ACAN: variants seen among roughly 807,000 people sequenced by gnomAD.
ACAN encodes the protein aggrecan, also known as aggrecan core protein.
ACAN carries 47 observed loss-of-function variants against 169.1 expected under a neutral mutation model. The observed-to-expected ratio is 0.28, with a 90% CI of 0.22 to 0.35. The LOEUF is 0.35. Ranked by LOEUF, ACAN falls within the 10% of genes least tolerant of loss-of-function variation. The pLI, the probability that ACAN is intolerant of heterozygous loss-of-function variation, is 1.00. For synonymous variants in ACAN, 1,115 were observed against 1,112.2 expected (o/e 1.00, Z -0.05); for missense variants, 2,716 against 2,759.9 (o/e 0.98, Z 0.36).
At position 88,847,247 on chromosome 15, in the gene ACAN, C is replaced by G; in HGVS notation, c.1434C>G (p.Val478=). The change falls in exon 8 of 19, where the codon GTC becomes GTG. Residue 478 remains valine, a synonymous_variant. Transcript: ENST00000560601. ...CGCTCCCTCCTCCCCACCCAGGGGT[C>G]GTCTTCCACTACCGCCCGGGACCCA... ...VPGQPHLPGG[V]VFHYRPGPTR... 6.5e-7 allele frequency: 1 copy of G among 1,547,590 alleles called. No homozygotes were observed. Among genetic ancestry groups the G allele is most frequent in the Non-Finnish European group, 8.7e-7 (1 of 1,144,730 alleles).
At chr15:88,845,162 G>T (rs926765044) in intron 6 of ACAN, among the ~76,000 whole-genome samples, 2 of 152,240 alleles carry the variant, frequency 1.3e-5, no homozygotes, top group African/African-American at 2.4e-5. Context: ...AGCATCAGAT[G>T]GTTGGTAAGG....
rs983149560 is a variant in ACAN, at chr15:88,872,194, C to T, written c.7302+109C>T. ...CATGCAGACAGCCGCTTACCAGCTG[C>T]TGGACCGGGAACCCTTGAGGGCAGG... On this transcript the variant is annotated intron_variant, in intron 16 of 18. Transcript: ENST00000560601. This position sits in a 1 kb window ranked among gnomAD's most constrained non-coding sequence, Gnocchi z 5.4. 7 of 952,420 alleles carry T rather than the reference C, an allele frequency of 7.3e-6. No homozygotes were observed. Among genetic ancestry groups the T allele is most frequent in the Non-Finnish European group, 8.3e-6 (5 of 605,596 alleles). The allele number at this position is 952,420 out of a possible 1,614,324, so 59.0% of individuals were successfully genotyped here.
intron 7 of ACAN, 103 bp from the exon 8 acceptor site, chr15:88,847,140 A>G: frequency 8.0e-7 from 1 of 1,254,534 alleles, no homozygotes; most frequent in Non-Finnish European, 1.1e-6. Context: ...AGATAAATCC[A>G]ATATGTCAGG....
At position 88,807,150 on chromosome 15, in the gene ACAN, G is replaced by A. The variant is rs1895702835; in HGVS notation, c.-8+3341G>A. Among the ~76,000 whole-genome samples the A allele has an allele frequency of 6.6e-6, 1 of 152,122 alleles. No homozygotes were observed. On this transcript the variant is annotated intron_variant, in intron 1 of 18. Coordinates refer to ENST00000560601, the MANE Select transcript of ACAN (RefSeq NM_001369268.1). This position sits in a 1 kb window ranked among gnomAD's most constrained non-coding sequence, Gnocchi z 4.0. ...CCTTGCTGCCACTGCACCAAGTGCT[G>A]GGGAGTCAAGGCAGCTGAGGTGGAA...
At chr15:88,860,072 C>CTGTTTTT (rs1897161478) in intron 12 of ACAN, among the ~76,000 whole-genome samples, 1 of 102,900 alleles carries the variant, frequency 9.7e-6, no homozygotes, top group African/African-American at 4.7e-5. Flanking sequence ...GCTGATTTTC[C>CTGTTTTT]TTTTTTTTTT....
In ACAN at chr15:88,873,103, C is replaced by A; in HGVS notation, c.7447+78C>A. ...TACAGGTGAGGCTCTTGCTGTGTGG[C>A]CTGGGGTGAGTCCCTTGTCTTCTGG... On this transcript the variant is annotated intron_variant, in intron 17 of 18. Transcript: ENST00000560601. This position sits in a 1 kb window ranked among gnomAD's most constrained non-coding sequence, Gnocchi z 7.5. 6.6e-7 allele frequency: 1 copy of A among 1,520,106 alleles called. No individual in the cohort carries two copies. Among genetic ancestry groups the A allele is most frequent in the Non-Finnish European group, 8.9e-7 (1 of 1,125,926 alleles). The allele number at this position is 1,520,106 out of a possible 1,614,324, so 94.2% of individuals were successfully genotyped here. A position where few individuals can be genotyped will look rare whatever the true frequency, so the allele number is the denominator to read the frequency against.
rs1596148434 is a variant in ACAN at position 88,859,149 on chromosome 15, T to C, written c.6564T>C (p.Thr2188=). 6.2e-7 allele frequency: 1 copy of C among 1,613,786 alleles called. No individual in the cohort carries two copies. Among genetic ancestry groups the C allele is most frequent in the Non-Finnish European group, 8.5e-7 (1 of 1,179,884 alleles). ...AGGCACCAGGCTTGCCTTCAGCCAC[T>C]CCCACGGCTTCTGGAGACAGGACTG... is the stretch of plus-strand genomic sequence containing the variant. ...GTEAPGLPSA[T]PTASGDRTEI... Residue 2188 remains threonine (T), a synonymous_variant, in exon 12 of 19, where the codon ACT becomes ACC. Coordinates refer to ENST00000560601, the MANE Select transcript of ACAN (RefSeq NM_001369268.1).
At position 88,814,399 on chromosome 15, in the gene ACAN, C is replaced by T. The variant is rs1895890295; in HGVS notation, c.-8+10590C>T. Among the ~76,000 whole-genome samples, 1 of 152,206 alleles carries T rather than the reference C, an allele frequency of 6.6e-6. No individual in the cohort carries two copies. Among genetic ancestry groups the T allele is most frequent in the Non-Finnish European group, 1.5e-5 (1 of 68,034 alleles). Reference sequence around the variant, plus strand: ...TCTTGCCCAAACTGAAGTTTCTCAGCTGCTTTTCTGCCTACTTATGCTCTT... The same window carrying T: ...TCTTGCCCAAACTGAAGTTTCTCAGTTGCTTTTCTGCCTACTTATGCTCTT... On this transcript the variant is annotated intron_variant, in intron 1 of 18. Coordinates refer to ENST00000560601, the MANE Select transcript of ACAN (RefSeq NM_001369268.1). The surrounding 1 kb of genome is among the most constrained non-coding windows in gnomAD (Gnocchi z 4.0).
At chr15:88,823,682 G>A (rs1476838910) in intron 1 of ACAN, among the ~76,000 whole-genome samples, 1 of 152,050 alleles carries the variant, frequency 6.6e-6, no homozygotes, top group Non-Finnish European at 1.5e-5. Context: ...AAGCACCACT[G>A]GCCTTCCTTT....
chr15:88,818,855 T>C (rs566334955), intron 1 of ACAN, among the ~76,000 whole-genome samples: 9 of 152,352 alleles, frequency 5.9e-5, no homozygotes, highest in Non-Finnish European at 1.2e-4. Context: ...TGCATAACAA[T>C]GTGAATACGC....
In ACAN at chr15:88,873,195, G is replaced by A. The variant is rs559889015; in HGVS notation, c.7447+170G>A. ...TGACCTAGGGGTCCCTCCTAGCACC[G>A]GCATCCCAGGGCCAATGGCAAGGGC... is the stretch of plus-strand genomic sequence containing the variant. On this transcript the variant is annotated intron_variant, in intron 17 of 18. Coordinates refer to ENST00000560601, the MANE Select transcript of ACAN (RefSeq NM_001369268.1). This position sits in a 1 kb window ranked among gnomAD's most constrained non-coding sequence, Gnocchi z 7.5. 3.3e-3 allele frequency among the ~76,000 whole-genome samples: 507 copies of A among 152,210 alleles called. No homozygotes were observed. Among genetic ancestry groups the A allele is most frequent in the South Asian group, 0.02 (94 of 4,816 alleles).
rs73458267 is a variant in ACAN, at chr15:88,875,000, A to C, written c.*519A>C. 0.021 allele frequency: 5,136 copies of C among 240,620 alleles called. 270 individuals carry two copies. Among genetic ancestry groups the C allele is most frequent in the African/African-American group, 0.11 (4,816 of 44,160 alleles). The allele number at this position is 240,620 out of a possible 1,614,324, so 14.9% of individuals were successfully genotyped here. A position where few individuals can be genotyped will look rare whatever the true frequency, so the allele number is the denominator to read the frequency against. On this transcript the variant is annotated 3_prime_UTR_variant, in exon 19 of 19. Transcript: ENST00000560601. This position sits in a 1 kb window ranked among gnomAD's most constrained non-coding sequence, Gnocchi z 7.3. ...GATGAGAAGGAGCCAGGAGGGCTAC[A>C]CCATCTGTATGAGGGAAAAGCCTTG...
At chr15:88,826,384 T>C (rs1896221714) in intron 1 of ACAN, among the ~76,000 whole-genome samples, 1 of 149,526 alleles carries the variant, frequency 6.7e-6, no homozygotes, top group African/African-American at 2.5e-5. Flanking sequence ...CTTTTTTTTT[T>C]TTTTTTTTTG....
At chr15:88,836,478 C>A (rs1449402704) in intron 2 of ACAN, among the ~76,000 whole-genome samples, 12 of 152,202 alleles carry the variant, frequency 7.9e-5, no homozygotes. Flanking sequence ...CTTGCAGGAG[C>A]CTTGCTCAGA....
At chr15:88,837,502 C>T (rs1020141643) in intron 2 of ACAN, among the ~76,000 whole-genome samples, 1 of 152,192 alleles carries the variant, frequency 6.6e-6, no homozygotes, top group Non-Finnish European at 1.5e-5. Flanking sequence ...GGGAGACCCA[C>T]AGCCATGCAG....
At chr15:88,828,929 C>T (rs1896292711) in intron 1 of ACAN, among the ~76,000 whole-genome samples, 1 of 152,220 alleles carries the variant, frequency 6.6e-6, no homozygotes, top group African/African-American at 2.4e-5. Context: ...CTAGAAGCAA[C>T]TCCAAGGAAA....
rs17789870 is a variant in ACAN at position 88,839,252 on chromosome 15, C to T, written c.454+206C>T. 0.045 allele frequency among the ~76,000 whole-genome samples: 6,882 copies of T among 152,352 alleles called. 235 individuals are homozygous for T. Among genetic ancestry groups the T allele is most frequent in the Non-Finnish European group, 0.073 (4,955 of 68,034 alleles). ...TTAGGGAGCATTAAATACTTCCTGGCTGTGGTCACAGGTAACTGACAGTTT... is the reference window on the plus strand; with the variant it reads ...TTAGGGAGCATTAAATACTTCCTGGTTGTGGTCACAGGTAACTGACAGTTT... On this transcript the variant is annotated intron_variant, in intron 3 of 18. Coordinates refer to ENST00000560601, the MANE Select transcript of ACAN (RefSeq NM_001369268.1). The surrounding 1 kb of genome is among the most constrained non-coding windows in gnomAD (Gnocchi z 4.5).
At chr15:88,831,351 C>T (rs1338010549) in intron 1 of ACAN, among the ~76,000 whole-genome samples, 1 of 152,226 alleles carries the variant, frequency 6.6e-6, no homozygotes, top group Non-Finnish European at 1.5e-5. Flanking sequence ...AAGGAAGCAG[C>T]GTGTCTCTAC....
Position 88,855,026 on chromosome 15 carries a change from C to A in ACAN, c.2441C>A (p.Ser814Ter). 1 of 1,594,146 alleles carries A rather than the reference C, an allele frequency of 6.3e-7. No individual in the cohort carries two copies. The highest frequency in any genetic ancestry group is 1.3e-5 in the African/African-American group (1 of 74,288). ...EPFPSVRPFP[S>*]VELFPSEEPF... Reference sequence around the variant, plus strand: ...TTCCCCTCAGTGAGGCCATTCCCCTCAGTGGAGCTGTTCCCCTCAGAGGAG... The same window carrying A: ...TTCCCCTCAGTGAGGCCATTCCCCTAAGTGGAGCTGTTCCCCTCAGAGGAG... Residue 814 changes from serine to a stop codon, truncating the protein, a stop_gained, in exon 12 of 19, where the codon TCA becomes TAA. Transcript: ENST00000560601. LOFTEE classifies it high-confidence loss of function.
Sources: gnomAD v4.1 joint callset for allele counts (sites outside exome capture counted in the v4.1 genomes callset) on GRCh38, gnomAD v4.1.1 for gene constraint, Gnocchi (gnomAD v3.1) non-coding constraint, MANE v1.5 for transcripts, NCBI Gene and HGNC (gene_info 2026-07-23, HGNC 2026-07-21) for gene names.